Variants in MYCBP2 observed in about 807,000 individuals in gnomAD.
MYCBP2 encodes MYC binding protein 2.
A neutral mutation model predicts 525.3 loss-of-function variants in MYCBP2; 120 were observed. That is an observed-to-expected ratio of 0.23 (90% CI 0.20 to 0.27). The LOEUF is 0.27. Ranked by LOEUF, MYCBP2 falls within the 10% of genes least tolerant of loss-of-function variation. The probability of loss-of-function intolerance (pLI) is 1.00; values close to 1 mark genes in which losing one functional copy is unlikely to be tolerated. For synonymous variants in MYCBP2, 1,894 were observed against 1,955.8 expected, an observed-to-expected ratio of 0.97 and a Z score of 0.83; for missense variants, 4,149 against 5,657.1, an observed-to-expected ratio of 0.73 and a Z score of 8.55.
chr13:77,178,029 C>T (rs1367604175), intron 34 of MYCBP2, 75 bp from the exon 35 acceptor site: 1 of 885,632 alleles, frequency 1.1e-6, no homozygotes, highest in Non-Finnish European at 1.9e-6. Flanking sequence ...TCTAAGAAGT[C>T]TAATAAAATA....
intron 26 of MYCBP2, among the ~76,000 whole-genome samples, chr13:77,200,042 G>T (rs934455168): frequency 6.6e-6 from 1 of 152,222 alleles, no homozygotes; most frequent in East Asian, 1.9e-4. Flanking sequence ...GCTGGATGGA[G>T]AATGACTTTG....
At chr13:77,074,406 AC>A (rs2041939744) in intron 68 of MYCBP2, among the ~76,000 whole-genome samples, 1 of 152,204 alleles carries the variant, frequency 6.6e-6, no homozygotes, top group South Asian at 2.1e-4. Flanking sequence ...TGGGTTCTAG[AC>A]CATACATAAA....
At chr13:77,106,699 A>T (rs2047905828) in intron 55 of MYCBP2, among the ~76,000 whole-genome samples, 1 of 152,064 alleles carries the variant, frequency 6.6e-6, no homozygotes, top group South Asian at 2.1e-4. Flanking sequence ...TACTAGATAC[A>T]ATCTTTTTCT....
At chr13:77,149,880 T>C (rs751958701) in intron 47 of MYCBP2, among the ~76,000 whole-genome samples, 1 of 152,180 alleles carries the variant, frequency 6.6e-6, no homozygotes, top group Non-Finnish European at 1.5e-5. Context: ...ATTAAGTCAA[T>C]AGTCCCCTAA....
intron 8 of MYCBP2, among the ~76,000 whole-genome samples, chr13:77,266,187 T>C (rs1451567912): frequency 6.6e-6 from 1 of 152,180 alleles, no homozygotes; most frequent in Non-Finnish European, 1.5e-5. Flanking sequence ...AAATCCTTGA[T>C]ATTAGTACCC....
Position 77,171,752 on chromosome 13 carries a change from A to G in MYCBP2, c.5652-118T>C. 4 of 960,456 alleles carry G rather than the reference A, an allele frequency of 4.2e-6. No individual in the cohort carries two copies. The Admixed American group carries it at 8.2e-5, about 20-fold the overall frequency. The allele number at this position is 960,456 out of a possible 1,614,324, so 59.5% of individuals were successfully genotyped here. ...AATTTATAGCTTTTTAAAAGTTAAA[A>G]AAGTAAACATGCAACTATACAATAA... On this transcript the variant is annotated intron_variant, in intron 37 of 82. Transcript: ENST00000544440.
Position 77,319,426 on chromosome 13 carries a change from G to T in MYCBP2, c.302+7048C>A, listed in dbSNP as rs374253523. 6.6e-5 allele frequency among the ~76,000 whole-genome samples: 10 copies of T among 152,244 alleles called. No individual in the cohort carries two copies. In the East Asian group the frequency reaches 1.9e-3, roughly 29 times the overall value. On this transcript the variant is annotated intron_variant, in intron 1 of 82. Coordinates refer to ENST00000544440, the MANE Select transcript of MYCBP2 (RefSeq NM_015057.5). ...CACTGACCTTAGCATAGCTGAGAGA[G>T]AATTCTACCTACCTTGGTGCTCTGC... is the stretch of plus-strand genomic sequence containing the variant.
In MYCBP2 at chr13:77,050,939, T is replaced by G; in HGVS notation, c.13921+58A>C. 9 of 1,414,030 alleles carry G rather than the reference T, an allele frequency of 6.4e-6. 1 individual carries two copies. The Middle Eastern group carries it at 7.3e-4, about 115-fold the overall frequency. 87.6% of individuals were successfully genotyped at this position (1,414,030 alleles called of 1,614,324 possible). A position where few individuals can be genotyped will look rare whatever the true frequency, so the allele number is the denominator to read the frequency against. On this transcript the variant is annotated intron_variant, in intron 82 of 82. Transcript: ENST00000544440. ...TTGAAACAGAGCTTTCATATAATGT[T>G]TACATAAAACTATGGTATATAGATC... is the stretch of plus-strand genomic sequence containing the variant.
chr13:77,320,803 T>C (rs1252465173), intron 1 of MYCBP2, among the ~76,000 whole-genome samples: 2 of 152,160 alleles, frequency 1.3e-5, no homozygotes, highest in Non-Finnish European at 2.9e-5. Context: ...GAACACCTAA[T>C]AAACCCTTAA....
At chr13:77,165,485 G>A (rs1038483326) in intron 41 of MYCBP2, 94 bp from the exon 42 acceptor site, 2 of 918,902 alleles carry the variant, frequency 2.2e-6, no homozygotes, top group Admixed American at 2.4e-5. Flanking sequence ...TTTATCACAA[G>A]ATAGGTAAAA....
At chr13:77,164,400 A>G in intron 43 of MYCBP2, 54 bp downstream of exon 43, 2 of 1,220,460 alleles carry the variant, frequency 1.6e-6, no homozygotes, top group Non-Finnish European at 2.4e-6. Context: ...TTTATAATAC[A>G]TACAAAACAA....
At chr13:77,117,384 G>T (rs2049965276) in intron 55 of MYCBP2, among the ~76,000 whole-genome samples, 1 of 151,926 alleles carries the variant, frequency 6.6e-6, no homozygotes, top group Non-Finnish European at 1.5e-5. Context: ...TTATACTCTT[G>T]TGTACCCTTT....
At chr13:77,194,833 G>C (rs2061600955) in intron 26 of MYCBP2, among the ~76,000 whole-genome samples, 2 of 151,828 alleles carry the variant, frequency 1.3e-5, no homozygotes, top group Admixed American at 1.3e-4. Context: ...AAAAACAATA[G>C]GTAACAAAAT....
intron 30 of MYCBP2, 76 bp downstream of exon 30, chr13:77,188,875 A>G (rs1467004684): frequency 3.3e-6 from 3 of 922,640 alleles, no homozygotes; most frequent in Non-Finnish European, 4.8e-6. Context: ...AACTTACAAG[A>G]GCAGCTAAAC....
Position 77,273,342 on chromosome 13 carries a change from A to T in MYCBP2, c.945+130T>A, listed in dbSNP as rs1395488793. 8.4e-6 allele frequency: 5 copies of T among 597,706 alleles called. No homozygotes were observed. In the East Asian group the frequency reaches 1.5e-4, roughly 18 times the overall value. 37.0% of individuals were successfully genotyped at this position (597,706 alleles called of 1,614,324 possible). ...TTAATTGAAATACTGTAGATTATTT[A>T]TGTATCAATCTTGGACAGATTAAGC... is the stretch of plus-strand genomic sequence containing the variant. On this transcript the variant is annotated intron_variant, in intron 5 of 82. Coordinates refer to ENST00000544440, the MANE Select transcript of MYCBP2 (RefSeq NM_015057.5).
intron 68 of MYCBP2, among the ~76,000 whole-genome samples, chr13:77,071,892 A>G (rs923843753): frequency 6.6e-6 from 1 of 152,214 alleles, no homozygotes; most frequent in African/African-American, 2.4e-5. Context: ...GTTTGACCAC[A>G]ATGAAACTGA....
At chr13:77,135,008 C>T (rs965457632) in intron 52 of MYCBP2, among the ~76,000 whole-genome samples, 13 of 152,194 alleles carry the variant, frequency 8.5e-5, no homozygotes, top group African/African-American at 2.9e-4. Context: ...ATCCAACATT[C>T]AGTCAGTGTT....
chr13:77,098,388 A>G lies in MYCBP2; in HGVS notation c.8766T>C (p.His2922=), dbSNP rs757888320. 3 of 1,613,408 alleles carry G rather than the reference A, an allele frequency of 1.9e-6. No homozygotes were observed. Among genetic ancestry groups the G allele is most frequent in the African/African-American group, 2.7e-5 (2 of 74,862 alleles). The part of the protein sequence containing the change: ...PGSENRAPSP[H]VVQENLHSEV... ...CACTGTGGAGGTTTTCCTGTACCAC[A>G]TGGGGAGAGGGAGCTCTATTTTCAG... Residue 2922 remains histidine, a synonymous_variant, in exon 56 of 83, where the codon CAT becomes CAC. Transcript: ENST00000544440.
chr13:77,194,996 T>A (rs1200489093), intron 26 of MYCBP2, among the ~76,000 whole-genome samples: 2 of 149,092 alleles, frequency 1.3e-5, no homozygotes, highest in African/African-American at 2.4e-5. Context: ...ATAAGAATTA[T>A]GAAGAAGAGG....
Sources: gnomAD v4.1 joint callset for allele counts (sites outside exome capture counted in the v4.1 genomes callset) on GRCh38, gnomAD v4.1.1 for gene constraint, MANE v1.5 for transcripts, NCBI Gene and HGNC (gene_info 2026-07-23, HGNC 2026-07-21) for gene names.